C10orf90: variants seen among roughly 807,000 people sequenced by gnomAD.
C10orf90 encodes the protein (E2-independent) E3 ubiquitin-conjugating enzyme FATS.
C10orf90 carries 56 observed loss-of-function variants against 62.5 expected under a neutral mutation model. That is an observed-to-expected ratio of 0.90 (90% confidence interval 0.72 to 1.12). The LOEUF is 1.12. C10orf90 is among the 50% of genes most tolerant of loss of function. The pLI is 0.00. For synonymous variants in C10orf90, 386 were observed against 340.4 expected, an observed-to-expected ratio of 1.13 and a Z score of -1.47; for missense variants, 970 against 880.4, an observed-to-expected ratio of 1.10 and a Z score of -1.29.
intron 2 of C10orf90, among the ~76,000 whole-genome samples, chr10:126,518,959 A>C (rs1167187338): frequency 6.6e-6 from 1 of 152,202 alleles, no homozygotes; most frequent in Non-Finnish European, 1.5e-5. Flanking sequence ...GGCAGTGCTC[A>C]GGGTGTGTGG....
chr10:126,593,453 C>T (rs1845021706), intron 2 of C10orf90, among the ~76,000 whole-genome samples: 1 of 152,126 alleles, frequency 6.6e-6, no homozygotes, highest in Non-Finnish European at 1.5e-5. Flanking sequence ...ACCAAATACC[C>T]CATGTTCTCA....
At chr10:126,533,939 G>A (rs1224655945) in intron 2 of C10orf90, among the ~76,000 whole-genome samples, 1 of 152,184 alleles carries the variant, frequency 6.6e-6, no homozygotes, top group East Asian at 1.9e-4. Flanking sequence ...CAGAGTGTTT[G>A]GGTGGCACCT....
At chr10:126,513,991 T>A in intron 2 of C10orf90, 52 bp from the exon 3 acceptor site, 1 of 1,289,890 alleles carries the variant, frequency 7.8e-7, no homozygotes, top group Admixed American at 1.8e-5. Flanking sequence ...AAGGATAAAA[T>A]GGAATATATA....
chr10:126,565,251 T>G (rs1591104051), intron 2 of C10orf90, among the ~76,000 whole-genome samples: 1 of 19,004 alleles, frequency 5.3e-5, no homozygotes, highest in Admixed American at 8.1e-4. Context: ...TAATATTTAT[T>G]ATATTATATA....
chr10:126,487,142 C>CAAAAAAAAAAAAAAAAAAAAAAAAAAGAA (rs1861482541), intron 4 of C10orf90, among the ~76,000 whole-genome samples: 1 of 29,456 alleles, frequency 3.4e-5, no homozygotes, highest in Non-Finnish European at 6.0e-5. Flanking sequence ...AAAACTCTGT[C>CAAAAAAAAAAAAAAAAAAAAAAAAAAGAA]AAAAAAAAAA....
chr10:126,615,569 C>G (rs1209847566), intron 2 of C10orf90, among the ~76,000 whole-genome samples: 1 of 152,130 alleles, frequency 6.6e-6, no homozygotes, highest in Admixed American at 6.5e-5. Context: ...TTTTAATTTT[C>G]TTATATTTTA....
chr10:126,554,194 AATAAT>A (rs1449096197), intron 2 of C10orf90, among the ~76,000 whole-genome samples: 1 of 152,184 alleles, frequency 6.6e-6, no homozygotes, highest in Non-Finnish European at 1.5e-5. Context: ...AGCTATGATA[AATAAT>A]ACTTGGCATA....
At chr10:126,463,064 A>G (rs1302206388) in intron 5 of C10orf90, among the ~76,000 whole-genome samples, 3 of 147,876 alleles carry the variant, frequency 2.0e-5, no homozygotes, top group African/African-American at 7.6e-5. Flanking sequence ...ACTAGCCCCA[A>G]CCCCCGTCCT....
intron 4 of C10orf90, among the ~76,000 whole-genome samples, chr10:126,471,754 C>T (rs1489511859): frequency 1.3e-5 from 2 of 151,958 alleles, no homozygotes; most frequent in South Asian, 2.1e-4. Context: ...ATATATCTAC[C>T]CACACAAAGA....
chr10:126,660,477 A>C (rs2133870475), intron 1 of C10orf90, among the ~76,000 whole-genome samples: 1 of 152,370 alleles, frequency 6.6e-6, no homozygotes, highest in African/African-American at 2.4e-5. Context: ...CTAAAAGCTG[A>C]GAATGTCTCT....
intron 7 of C10orf90, among the ~76,000 whole-genome samples, chr10:126,455,717 G>A (rs1859513891): frequency 6.6e-6 from 1 of 152,194 alleles, no homozygotes; most frequent in Non-Finnish European, 1.5e-5. Context: ...TGACCTTGAT[G>A]ATGCTACTTC....
At chr10:126,527,589 G>A (rs1423889540) in intron 2 of C10orf90, among the ~76,000 whole-genome samples, 2 of 152,122 alleles carry the variant, frequency 1.3e-5, no homozygotes, top group Non-Finnish European at 2.9e-5. Flanking sequence ...AATGTTCTTT[G>A]GTGTCCCACA....
At chr10:126,625,032 G>A (rs1297507732) in intron 2 of C10orf90, among the ~76,000 whole-genome samples, 1 of 152,200 alleles carries the variant, frequency 6.6e-6, no homozygotes, top group Non-Finnish European at 1.5e-5. Context: ...GAGGCATCAG[G>A]TCTGGGGCCC....
At chr10:126,471,815 T>C (rs1044859441) in intron 4 of C10orf90, among the ~76,000 whole-genome samples, 1 of 152,220 alleles carries the variant, frequency 6.6e-6, no homozygotes, top group African/African-American at 2.4e-5. Context: ...TCATTATTAT[T>C]CTGTTATTAG....
chr10:126,572,737 G>A (rs1159645311), intron 2 of C10orf90, among the ~76,000 whole-genome samples: 1 of 152,106 alleles, frequency 6.6e-6, no homozygotes. Context: ...GTCTGGGAAT[G>A]CAGCACTGTA....
intron 2 of C10orf90, among the ~76,000 whole-genome samples, chr10:126,540,181 T>C (rs1286308307): frequency 6.6e-6 from 1 of 152,162 alleles, no homozygotes; most frequent in African/African-American, 2.4e-5. Context: ...GTATCAAAAG[T>C]ATCATAAAAT....
intron 4 of C10orf90, among the ~76,000 whole-genome samples, chr10:126,486,017 T>C (rs1235810095): frequency 6.6e-6 from 1 of 151,324 alleles, no homozygotes; most frequent in African/African-American, 2.4e-5. Context: ...CTGGCAAGAA[T>C]GTAAGGAAAT....
At chr10:126,505,140 T>C in intron 3 of C10orf90, 55 bp from the exon 4 acceptor site, 2 of 1,520,212 alleles carry the variant, frequency 1.3e-6, no homozygotes, top group East Asian at 2.3e-5. Context: ...ATATAGACAG[T>C]AAACTCTCTT....
chr10:126,442,879 A>G (rs969941162), intron 7 of C10orf90, among the ~76,000 whole-genome samples: 35 of 151,812 alleles, frequency 2.3e-4, no homozygotes, highest in African/African-American at 8.0e-4. Context: ...ATGAAAATAC[A>G]TGGAAATTAA....
Sources: gnomAD v4.1 joint callset for allele counts (sites outside exome capture counted in the v4.1 genomes callset) on GRCh38, gnomAD v4.1.1 for gene constraint, MANE v1.5 for transcripts, NCBI Gene and HGNC (gene_info 2026-07-23, HGNC 2026-07-21) for gene names.